MAN2A1: variants seen among roughly 807,000 people sequenced by gnomAD.
MAN2A1 encodes alpha-mannosidase 2.
A neutral mutation model predicts 142.6 loss-of-function variants in MAN2A1; 76 were observed. That is an observed-to-expected ratio of 0.53 (90% CI 0.44 to 0.65). MAN2A1 has a LOEUF of 0.65. Ranked by LOEUF, MAN2A1 falls within the 30% of genes least tolerant of loss-of-function variation. The pLI is 0.00. For synonymous variants in MAN2A1, 559 were observed against 473.2 expected (o/e 1.18, Z -2.35); for missense variants, 1,311 against 1,365.1 (o/e 0.96, Z 0.62).
At chr5:109,847,593 CT>C (rs1166643419) in intron 18 of MAN2A1, 63 bp from the exon 19 acceptor site, 1 of 1,345,812 alleles carries the variant, frequency 7.4e-7, no homozygotes, top group Non-Finnish European at 9.7e-7. Context: ...TTAAGTGATG[CT>C]CAATGAATGT....
At chr5:109,790,071 A>G (rs1026218774) in intron 12 of MAN2A1, among the ~76,000 whole-genome samples, 1 of 151,854 alleles carries the variant, frequency 6.6e-6, no homozygotes, top group Admixed American at 6.6e-5. Flanking sequence ...TGGCTACCTA[A>G]TAATTATAAA....
At chr5:109,807,177 C>T (rs1363952530) in intron 12 of MAN2A1, among the ~76,000 whole-genome samples, 1 of 152,140 alleles carries the variant, frequency 6.6e-6, no homozygotes, top group African/African-American at 2.4e-5. Flanking sequence ...TTAATCTTTG[C>T]TTGGTCCCAG....
chr5:109,866,109 A>G (rs1010700926), intron 21 of MAN2A1, among the ~76,000 whole-genome samples: 6 of 152,064 alleles, frequency 3.9e-5, no homozygotes, highest in Admixed American at 3.3e-4. Context: ...CTTTTACCCT[A>G]CCCTGCTTGG....
At chr5:109,778,687 C>T (rs993844006) in intron 8 of MAN2A1, among the ~76,000 whole-genome samples, 2 of 152,086 alleles carry the variant, frequency 1.3e-5, no homozygotes, top group Non-Finnish European at 2.9e-5. Flanking sequence ...CATTTTCTTT[C>T]TCTCCAACAT....
At chr5:109,805,570 GA>G (rs1404979466) in intron 12 of MAN2A1, among the ~76,000 whole-genome samples, 5 of 152,156 alleles carry the variant, frequency 3.3e-5, no homozygotes, top group Admixed American at 2.0e-4. Flanking sequence ...CAGATGCCTG[GA>G]ATTTCCGGAG....
intron 4 of MAN2A1, among the ~76,000 whole-genome samples, chr5:109,746,173 C>T (rs1247624129): frequency 6.6e-6 from 1 of 152,072 alleles, no homozygotes. Flanking sequence ...TGGGGTTTCG[C>T]CATGTTGGCC....
intron 12 of MAN2A1, among the ~76,000 whole-genome samples, chr5:109,806,299 A>G (rs1229031256): frequency 1.3e-5 from 2 of 152,168 alleles, no homozygotes; most frequent in African/African-American, 2.4e-5. Flanking sequence ...TACCATTTCT[A>G]TGGCTACATA....
intron 4 of MAN2A1, among the ~76,000 whole-genome samples, chr5:109,746,677 A>G (rs1427210544): frequency 6.6e-6 from 1 of 151,808 alleles, no homozygotes; most frequent in African/African-American, 2.4e-5. Flanking sequence ...GCATTACAAC[A>G]TTTACATCAT....
chr5:109,845,830 T>C (rs1755329730), intron 17 of MAN2A1, 35 bp from the exon 18 acceptor site: 5 of 1,573,060 alleles, frequency 3.2e-6, no homozygotes, highest in East Asian at 2.3e-5. Context: ...TATGTAAATA[T>C]CACTTTTTGT....
intron 6 of MAN2A1, among the ~76,000 whole-genome samples, chr5:109,769,154 C>T (rs2112648753): frequency 6.6e-6 from 1 of 152,232 alleles, no homozygotes; most frequent in Non-Finnish European, 1.5e-5. Context: ...CGACTATATG[C>T]TCATAGCAAG....
chr5:109,796,037 A>T (rs1289863865), intron 12 of MAN2A1, among the ~76,000 whole-genome samples: 1 of 152,064 alleles, frequency 6.6e-6, no homozygotes. Context: ...AGTTGTTGTT[A>T]TTTTTTTCTC....
chr5:109,726,062 A>C (rs1196575155), intron 3 of MAN2A1, among the ~76,000 whole-genome samples: 1 of 152,156 alleles, frequency 6.6e-6, no homozygotes, highest in Non-Finnish European at 1.5e-5. Context: ...GAAAAGAATA[A>C]ATTGAAAGGT....
At chr5:109,690,623 C>T (rs1750639621) in intron 1 of MAN2A1, 71 bp downstream of exon 1, 22 of 1,492,482 alleles carry the variant, frequency 1.5e-5, no homozygotes, top group Non-Finnish European at 2.0e-5. Flanking sequence ...GCGGCTGCTA[C>T]CCAACCTCTT....
intron 11 of MAN2A1, 65 bp downstream of exon 11, chr5:109,789,113 A>G (rs1753674581): frequency 1.0e-5 from 8 of 789,110 alleles, no homozygotes; most frequent in South Asian, 3.9e-5. Flanking sequence ...ATTAGCAAAG[A>G]GGATGAGAAG....
chr5:109,713,841 G>A, intron 2 of MAN2A1, 67 bp downstream of exon 2: 2 of 1,461,410 alleles, frequency 1.4e-6, no homozygotes, highest in Non-Finnish European at 1.9e-6. Context: ...GATTTGACCT[G>A]ATGTCTGTTC....
In MAN2A1 at chr5:109,699,930, C is replaced by T. The variant is rs1013270944; in HGVS notation, c.135+9378C>T. On this transcript the variant is annotated intron_variant, in intron 1 of 21. Transcript: ENST00000261483. ...ATATTAAATACCATGCAGTATATGT[C>T]AGGTAGTTTGGCTTCATAAGAAGGA... 2.0e-5 allele frequency: 3 copies of T among 152,140 alleles called. No homozygotes were observed. In the East Asian group the frequency reaches 5.8e-4, roughly 29 times the overall value. The allele number at this position is 152,140 out of a possible 1,614,324, so 9.4% of individuals were successfully genotyped here. A position where few individuals can be genotyped will look rare whatever the true frequency, so the allele number is the denominator to read the frequency against.
intron 16 of MAN2A1, among the ~76,000 whole-genome samples, chr5:109,832,846 C>CGGG (rs1358846877): frequency 6.9e-6 from 1 of 144,256 alleles, no homozygotes; most frequent in Non-Finnish European, 1.5e-5. Flanking sequence ...GGGCGGCTGC[C>CGGG]GGGCGGAGGG....
intron 1 of MAN2A1, among the ~76,000 whole-genome samples, chr5:109,710,076 A>G (rs2112557247): frequency 6.6e-6 from 1 of 152,322 alleles, no homozygotes; most frequent in South Asian, 2.1e-4. Context: ...TCCACCGCAT[A>G]ATATAATTTT....
At chr5:109,848,463 C>T (rs1346527158) in intron 19 of MAN2A1, among the ~76,000 whole-genome samples, 1 of 152,174 alleles carries the variant, frequency 6.6e-6, no homozygotes, top group Non-Finnish European at 1.5e-5. Flanking sequence ...CATTGCAAGT[C>T]CTTTCTGCTC....
Sources: gnomAD v4.1 joint callset for allele counts (sites outside exome capture counted in the v4.1 genomes callset) on GRCh38, gnomAD v4.1.1 for gene constraint, MANE v1.5 for transcripts, NCBI Gene and HGNC (gene_info 2026-07-23, HGNC 2026-07-21) for gene names.